Variants in FAAH2 observed in about 807,000 individuals in gnomAD.
FAAH2 encodes the protein fatty-acid amide hydrolase 2.
FAAH2 carries 60 observed loss-of-function variants against 36.9 expected under a neutral mutation model. The ratio of observed to expected loss-of-function variants is 1.63; its 90% CI spans 1.32 to 2.02. The LOEUF is 2.02. Among genes scored for constraint, FAAH2 ranks in the 30% most tolerant of loss-of-function variants. The pLI is 0.00. For missense variants in FAAH2, 689 were observed against 397.5 expected (o/e 1.73, Z -6.23); for synonymous variants, 214 against 143.8 (o/e 1.49, Z -3.49).
the FAAH2 span, among the ~76,000 whole-genome samples, chrX:57,262,214 C>G: frequency 4.8e-3 from 536 of 111,477 alleles, 3 homozygotes; most frequent in African/African-American, 0.016. Context: ...AGTAATGACA[C>G]ATTGGTGAGT....
intron 7 of FAAH2, among the ~76,000 whole-genome samples, chrX:57,390,833 TTAGA>T (rs989552139): frequency 7.2e-5 from 8 of 111,590 alleles, no homozygotes; most frequent in African/African-American, 2.6e-4. Context: ...TTTCTTTTGG[TTAGA>T]TAGTCAGGAG....
chrX:57,338,362 T>A (rs1602326361), intron 4 of FAAH2, among the ~76,000 whole-genome samples: 2 of 111,774 alleles, frequency 1.8e-5, no homozygotes, highest in African/African-American at 3.2e-5. Context: ...GACCGACCAT[T>A]TTCACTTCTT....
intron 4 of FAAH2, among the ~76,000 whole-genome samples, chrX:57,332,354 C>A (rs1348518419): frequency 3.6e-5 from 4 of 112,287 alleles, no homozygotes; most frequent in African/African-American, 1.3e-4. Flanking sequence ...CTTCAGGTTT[C>A]TGGTCTAGCA....
chrX:57,235,498 T>G, the FAAH2 span, among the ~76,000 whole-genome samples: 1 of 111,983 alleles, frequency 8.9e-6, no homozygotes, highest in African/African-American at 3.2e-5. Flanking sequence ...ATGTTCATTT[T>G]TATTGAGATT....
At chrX:57,239,206 C>T in the FAAH2 span, among the ~76,000 whole-genome samples, 4 of 111,376 alleles carry the variant, frequency 3.6e-5, no homozygotes, top group African/African-American at 1.3e-4. Flanking sequence ...GATGTGAATC[C>T]ATCTGCAGGA....
the FAAH2 span, among the ~76,000 whole-genome samples, chrX:57,201,775 C>G: frequency 8.9e-4 from 99 of 111,347 alleles, no homozygotes; most frequent in Non-Finnish European, 1.7e-3. Flanking sequence ...ACCAGTAACT[C>G]TTAGATTTCC....
At chrX:57,415,240 T>A (rs1346685984) in intron 7 of FAAH2, among the ~76,000 whole-genome samples, 1 of 111,177 alleles carries the variant, frequency 9.0e-6, no homozygotes, top group East Asian at 2.8e-4. Flanking sequence ...TCTGCACTGA[T>A]CTTAGTTATT....
the FAAH2 span, among the ~76,000 whole-genome samples, chrX:57,160,961 A>G: frequency 1.8e-5 from 2 of 111,765 alleles, no homozygotes; most frequent in Non-Finnish European, 3.8e-5. Context: ...TAGGGTGTCA[A>G]TTTTAGATCT....
At chrX:57,477,010 A>G (rs773126487) in intron 10 of FAAH2, among the ~76,000 whole-genome samples, 6 of 110,773 alleles carry the variant, frequency 5.4e-5, no homozygotes, top group East Asian at 5.7e-4. Flanking sequence ...GTATTCTCTG[A>G]TGGTAATTTG....
At chrX:57,151,699 G>C in the FAAH2 span, among the ~76,000 whole-genome samples, 2 of 110,719 alleles carry the variant, frequency 1.8e-5, no homozygotes, top group African/African-American at 6.6e-5. Flanking sequence ...CTTTGCCATT[G>C]GTTTGAATTT....
At chrX:57,191,166 T>C in the FAAH2 span, among the ~76,000 whole-genome samples, 1 of 112,020 alleles carries the variant, frequency 8.9e-6, no homozygotes, top group Admixed American at 9.4e-5. Context: ...GCCTGTCTTT[T>C]GTATATAAGC....
the FAAH2 span, among the ~76,000 whole-genome samples, chrX:57,268,361 C>A: frequency 9.0e-6 from 1 of 111,090 alleles, no homozygotes; most frequent in South Asian, 3.8e-4. Context: ...GTAAAGAGAC[C>A]AAATCTATGA....
intron 10 of FAAH2, among the ~76,000 whole-genome samples, chrX:57,465,810 T>C (rs1449222313): frequency 9.0e-6 from 1 of 110,882 alleles, no homozygotes; most frequent in African/African-American, 3.3e-5. Flanking sequence ...TTATTTCTTC[T>C]CTTGCTTTTA....
chrX:57,335,090 A>G (rs2053509829), intron 4 of FAAH2, among the ~76,000 whole-genome samples: 1 of 111,845 alleles, frequency 8.9e-6, no homozygotes, highest in Non-Finnish European at 1.9e-5. Flanking sequence ...AATTTATCAC[A>G]TAATTTGAAG....
intron 2 of FAAH2, among the ~76,000 whole-genome samples, chrX:57,293,703 G>A (rs779857618): frequency 2.1e-4 from 23 of 111,536 alleles, no homozygotes; most frequent in African/African-American, 6.5e-4. Context: ...AAGGAGTTTC[G>A]AAGAAGGGGG....
chrX:57,444,008 T>G (rs1445027215), intron 8 of FAAH2, among the ~76,000 whole-genome samples: 1 of 112,031 alleles, frequency 8.9e-6, no homozygotes, highest in African/African-American at 3.2e-5. Context: ...CTGTAAGATG[T>G]CAGTCAGCCC....
chrX:57,236,105 C>G, the FAAH2 span, among the ~76,000 whole-genome samples: 6 of 112,022 alleles, frequency 5.4e-5, no homozygotes, highest in African/African-American at 1.6e-4. Flanking sequence ...AGTTTTCTTT[C>G]TGTGCCTCGC....
chrX:57,401,409 T>A (rs1251244921), intron 7 of FAAH2, among the ~76,000 whole-genome samples: 1 of 111,239 alleles, frequency 9.0e-6, no homozygotes, highest in Non-Finnish European at 1.9e-5. Flanking sequence ...GAAAAAGGCA[T>A]CCTTAAGGTT....
At chrX:57,388,241 T>A (rs2055074822) in intron 7 of FAAH2, among the ~76,000 whole-genome samples, 1 of 111,537 alleles carries the variant, frequency 9.0e-6, no homozygotes, top group Non-Finnish European at 1.9e-5. Flanking sequence ...TCAGGTTCAA[T>A]ATAAAGAGGG....
Sources: gnomAD v4.1 joint callset for allele counts (sites outside exome capture counted in the v4.1 genomes callset) on GRCh38, gnomAD v4.1.1 for gene constraint, MANE v1.5 for transcripts, NCBI Gene and HGNC (gene_info 2026-07-23, HGNC 2026-07-21) for gene names.